AUTS2: variants seen among roughly 807,000 people sequenced by gnomAD.
The protein encoded by AUTS2 is autism susceptibility gene 2 protein.
AUTS2 carries 17 observed loss-of-function variants against 112.4 expected under a neutral mutation model. That is an observed-to-expected ratio of 0.15 (90% confidence interval 0.10 to 0.23). AUTS2 has a LOEUF of 0.23. Ranked by LOEUF, AUTS2 falls within the 10% of genes least tolerant of loss-of-function variation. The pLI is 1.00. For synonymous variants in AUTS2, 751 were observed against 702.7 expected, an observed-to-expected ratio of 1.07 and a Z score of -1.09; for missense variants, 1,510 against 1,701.6, an observed-to-expected ratio of 0.89 and a Z score of 1.98.
chr7:70,551,761 C>T (rs1036824098), intron 5 of AUTS2, among the ~76,000 whole-genome samples: 3 of 152,138 alleles, frequency 2.0e-5, no homozygotes, highest in African/African-American at 7.2e-5. Context: ...ACACACATGA[C>T]ATACTAATGT....
intron 4 of AUTS2, among the ~76,000 whole-genome samples, chr7:70,135,886 A>G (rs1019776810): frequency 2.6e-5 from 4 of 152,154 alleles, no homozygotes; most frequent in Non-Finnish European, 5.9e-5. Flanking sequence ...GCTGGAAGTA[A>G]AATCTGGAGA....
At chr7:70,348,023 A>G (rs1791577076) in intron 4 of AUTS2, among the ~76,000 whole-genome samples, 1 of 152,210 alleles carries the variant, frequency 6.6e-6, no homozygotes, top group Non-Finnish European at 1.5e-5. Flanking sequence ...ATGAGCCAGC[A>G]GAGCAGAGAG....
chr7:69,809,079 CT>C (rs113662227), intron 1 of AUTS2, among the ~76,000 whole-genome samples: 6,242 of 147,310 alleles, frequency 0.042, 141 homozygotes, highest in Middle Eastern at 0.07. Context: ...ACATAATTTC[CT>C]TTTTTTTTTT....
intron 1 of AUTS2, among the ~76,000 whole-genome samples, chr7:69,800,125 T>G (rs1402143618): frequency 6.6e-6 from 1 of 152,312 alleles, no homozygotes; most frequent in East Asian, 1.9e-4. Flanking sequence ...CCAGTGTAAG[T>G]CAGATAAATA....
chr7:69,776,714 T>C (rs924739053), intron 1 of AUTS2, among the ~76,000 whole-genome samples: 3 of 152,196 alleles, frequency 2.0e-5, no homozygotes, highest in East Asian at 1.9e-4. Flanking sequence ...CCACCATGCC[T>C]AGTCAAAAAT....
At chr7:69,898,107 A>G (rs992520638) in intron 1 of AUTS2, among the ~76,000 whole-genome samples, 5 of 152,176 alleles carry the variant, frequency 3.3e-5, no homozygotes, top group South Asian at 4.1e-4. Context: ...GGTAATGGAT[A>G]CCCCATTTAC....
At chr7:70,438,373 G>A (rs977439598) in intron 5 of AUTS2, among the ~76,000 whole-genome samples, 9 of 152,130 alleles carry the variant, frequency 5.9e-5, no homozygotes, top group Non-Finnish European at 1.0e-4. Context: ...TATTAGGAGT[G>A]TTCCTCAGAT....
At chr7:70,711,041 C>T (rs1810021637) in intron 6 of AUTS2, among the ~76,000 whole-genome samples, 2 of 152,186 alleles carry the variant, frequency 1.3e-5, no homozygotes, top group South Asian at 4.1e-4. Flanking sequence ...TTGCCATTTC[C>T]CCGCTGGTCT....
chr7:69,936,468 G>A (rs1358702116), intron 2 of AUTS2, among the ~76,000 whole-genome samples: 3 of 152,068 alleles, frequency 2.0e-5, no homozygotes, highest in Non-Finnish European at 4.4e-5. Context: ...TCCTGCCTCA[G>A]CCTCCCGAGT....
intron 5 of AUTS2, among the ~76,000 whole-genome samples, chr7:70,599,809 G>A (rs1190527427): frequency 6.6e-6 from 1 of 152,188 alleles, no homozygotes; most frequent in Admixed American, 6.5e-5. Flanking sequence ...TGTCTGTGGT[G>A]GGCAGGGATG....
chr7:70,627,224 A>G (rs1460161009), intron 5 of AUTS2, among the ~76,000 whole-genome samples: 1 of 152,162 alleles, frequency 6.6e-6, no homozygotes, highest in Non-Finnish European at 1.5e-5. Flanking sequence ...GTGAGATGAT[A>G]GCGTATTGTG....
intron 3 of AUTS2, among the ~76,000 whole-genome samples, chr7:70,127,782 A>G (rs1280640548): frequency 2.6e-5 from 4 of 152,112 alleles, no homozygotes; most frequent in African/African-American, 7.2e-5. Context: ...CAGTTGAGAC[A>G]TTTTTTCTGC....
chr7:70,352,063 C>T (rs1489988492), intron 4 of AUTS2, among the ~76,000 whole-genome samples: 1 of 152,168 alleles, frequency 6.6e-6, no homozygotes, highest in African/African-American at 2.4e-5. Flanking sequence ...TGAGTCTAAG[C>T]ACTTTACAAA....
At chr7:70,477,831 C>G (rs1489891235) in intron 5 of AUTS2, among the ~76,000 whole-genome samples, 1 of 39,396 alleles carries the variant, frequency 2.5e-5, no homozygotes, top group African/African-American at 2.2e-4. Flanking sequence ...AGCTCAGAAA[C>G]AACAAAATAG....
chr7:69,611,847 G>A (rs1345429465), intron 1 of AUTS2, among the ~76,000 whole-genome samples: 2 of 145,596 alleles, frequency 1.4e-5, no homozygotes, highest in East Asian at 2.1e-4. Flanking sequence ...GGAGAATGGC[G>A]TGAACCCGGG....
intron 4 of AUTS2, among the ~76,000 whole-genome samples, chr7:70,152,047 ATATAT>A (rs1050848212): frequency 2.2e-4 from 33 of 152,334 alleles, no homozygotes; most frequent in African/African-American, 5.8e-4. Context: ...GAAATAAAAA[ATATAT>A]TATATGGGAT....
At chr7:70,521,706 T>C (rs1380035081) in intron 5 of AUTS2, among the ~76,000 whole-genome samples, 2 of 152,190 alleles carry the variant, frequency 1.3e-5, no homozygotes, top group Non-Finnish European at 2.9e-5. Flanking sequence ...TAGGCAGACT[T>C]AGATGCAATG....
intron 1 of AUTS2, among the ~76,000 whole-genome samples, chr7:69,759,450 G>A (rs1788075026): frequency 6.6e-6 from 1 of 152,096 alleles, no homozygotes; most frequent in Non-Finnish European, 1.5e-5. Context: ...TGTGAGTCCA[G>A]TGTAGAATTT....
intron 5 of AUTS2, among the ~76,000 whole-genome samples, chr7:70,645,191 C>T (rs893812933): frequency 2.6e-5 from 4 of 152,076 alleles, no homozygotes; most frequent in African/African-American, 9.6e-5. Flanking sequence ...ATGAGGCTTT[C>T]ATGTGAATCG....
Sources: gnomAD v4.1 joint callset for allele counts (sites outside exome capture counted in the v4.1 genomes callset) on GRCh38, gnomAD v4.1.1 for gene constraint, MANE v1.5 for transcripts, NCBI Gene and HGNC (gene_info 2026-07-23, HGNC 2026-07-21) for gene names.